Variants in NOL9 observed in about 807,000 individuals in gnomAD.
NOL9 encodes nucleolar protein 9.
A neutral mutation model predicts 67.9 loss-of-function variants in NOL9; 28 were observed. That is an observed-to-expected ratio of 0.41 (90% confidence interval 0.31 to 0.57). The LOEUF is 0.57. NOL9 is among the 20% of genes least tolerant of loss of function. NOL9 has a pLI of 0.25. For missense variants in NOL9, 777 were observed against 897.0 expected, an observed-to-expected ratio of 0.87 and a Z score of 1.71; for synonymous variants, 356 against 352.2, an observed-to-expected ratio of 1.01 and a Z score of -0.12.
At chr1:6,535,106 G>A (rs74550166) in intron 6 of NOL9, among the ~76,000 whole-genome samples, 4 of 152,072 alleles carry the variant, frequency 2.6e-5, no homozygotes, top group African/African-American at 9.7e-5. Flanking sequence ...CACCGTGCCT[G>A]GTTTTAATGA....
In NOL9 at chr1:6,554,488, T is replaced by C. The variant is rs779349222; in HGVS notation, c.15A>G (p.Gly5=). Residue 5 remains glycine (G), a synonymous_variant, in exon 1 of 12, where the codon GGA becomes GGG. Coordinates refer to ENST00000377705, the MANE Select transcript of NOL9 (RefSeq NM_024654.5). ...GGCAGGAACCCCGCTTTAGCAGCAGTCCCGAGTCCGCCATGCTGGGTCCTC... is the reference window on the plus strand; with the variant it reads ...GGCAGGAACCCCGCTTTAGCAGCAGCCCCGAGTCCGCCATGCTGGGTCCTC... MADS[G]LLLKRGSCRS... 31 of 1,541,952 alleles carry C rather than the reference T, an allele frequency of 2.0e-5. No homozygotes were observed. In the Admixed American group the frequency reaches 5.8e-4, roughly 29 times the overall value.
intron 6 of NOL9, among the ~76,000 whole-genome samples, chr1:6,538,928 C>T (rs560768656): frequency 9.2e-5 from 14 of 152,280 alleles, no homozygotes; most frequent in African/African-American, 3.1e-4. Flanking sequence ...GCTGAGATCA[C>T]GCCACTGCAC....
intron 10 of NOL9, among the ~76,000 whole-genome samples, chr1:6,527,933 A>G (rs1333651619): frequency 6.6e-6 from 1 of 150,590 alleles, no homozygotes; most frequent in Non-Finnish European, 1.5e-5. Context: ...TCCGTCTCGG[A>G]AAAAAAAACA....
At chr1:6,552,415 C>T (rs1420535093) in intron 1 of NOL9, among the ~76,000 whole-genome samples, 2 of 152,080 alleles carry the variant, frequency 1.3e-5, no homozygotes, top group Non-Finnish European at 2.9e-5. Flanking sequence ...GATCTCATCC[C>T]TTTTTATGGC....
At chr1:6,536,155 G>A (rs1477106251) in intron 6 of NOL9, among the ~76,000 whole-genome samples, 3 of 149,016 alleles carry the variant, frequency 2.0e-5, no homozygotes, top group African/African-American at 7.4e-5. Flanking sequence ...GACCATCCTG[G>A]CTAAAGTGGT....
intron 3 of NOL9, 119 bp from the exon 4 acceptor site, chr1:6,545,299 C>G (rs1639395453): frequency 1.0e-6 from 1 of 1,004,634 alleles, no homozygotes. Flanking sequence ...CTCCCTTTGT[C>G]TCCTGCCCCA....
intron 1 of NOL9, among the ~76,000 whole-genome samples, chr1:6,553,740 G>A (rs993898899): frequency 2.6e-5 from 4 of 152,148 alleles, no homozygotes; most frequent in African/African-American, 9.7e-5. Flanking sequence ...TACTCCGGAG[G>A]CTGAGGCAGG....
Position 6,550,327 on chromosome 1 carries a change from G to A in NOL9, c.616+69C>T, listed in dbSNP as rs1639518277. 1.1e-5 allele frequency: 15 copies of A among 1,404,366 alleles called. No individual in the cohort carries two copies. In the South Asian group the frequency reaches 1.6e-4, roughly 15 times the overall value. 87.0% of individuals were successfully genotyped at this position (1,404,366 alleles called of 1,614,324 possible). On this transcript the variant is annotated intron_variant, in intron 2 of 11. Coordinates refer to ENST00000377705, the MANE Select transcript of NOL9 (RefSeq NM_024654.5). ...ATTATAGGCGTGAGCCACCGCGCCT[G>A]GCCCTAAAAATTATGAATTAGCCTT...
At chr1:6,535,961 C>T (rs1427397535) in intron 6 of NOL9, among the ~76,000 whole-genome samples, 3 of 149,738 alleles carry the variant, frequency 2.0e-5, no homozygotes, top group Non-Finnish European at 1.5e-5. Context: ...GTATCACATT[C>T]TCTGACTTCA....
Position 6,554,410 on chromosome 1 carries a change from G to T in NOL9, c.93C>A (p.Arg31=). 2 of 1,512,558 alleles carry T rather than the reference G, an allele frequency of 1.3e-6. No homozygotes were observed. Among genetic ancestry groups the T allele is most frequent in the Non-Finnish European group, 1.7e-6 (2 of 1,144,924 alleles). The allele number at this position is 1,512,558 out of a possible 1,614,324, so 93.7% of individuals were successfully genotyped here. A position where few individuals can be genotyped will look rare whatever the true frequency, so the allele number is the denominator to read the frequency against. Residue 31 remains arginine (R), a synonymous_variant, in exon 1 of 12, where the codon CGC becomes CGA. Transcript: ENST00000377705. Reference sequence around the variant, plus strand: ...GGCTCCCGAGCCGGCGGCGGGGCCGGCGGCTGAGGATGAGCTGGGGCCGGG... The same window carrying T: ...GGCTCCCGAGCCGGCGGCGGGGCCGTCGGCTGAGGATGAGCTGGGGCCGGG... ...RKARPQLILS[R]RPRRRLGSLR...
Position 6,554,138 on chromosome 1 carries a change from C to A in NOL9, c.365G>T (p.Gly122Val). 2.6e-6 allele frequency: 4 copies of A among 1,530,884 alleles called. No individual in the cohort carries two copies. The highest frequency in any genetic ancestry group is 3.5e-6 in the Non-Finnish European group (4 of 1,138,486). 94.8% of individuals were successfully genotyped at this position (1,530,884 alleles called of 1,614,324 possible). A position where few individuals can be genotyped will look rare whatever the true frequency, so the allele number is the denominator to read the frequency against. Residue 122 changes from glycine to valine, a missense_variant, in exon 1 of 12, where the codon GGC becomes GTC. This residue lies in a region of NOL9 where 364 missense variants were observed against 344.4 expected (regional missense o/e 1.06). Coordinates refer to ENST00000377705, the MANE Select transcript of NOL9 (RefSeq NM_024654.5). The stretch of plus-strand genomic sequence containing the variant: ...GACCGGCAGCAGCAGCAACGCGCGG[C>A]CGGGGCCCACGGGCCGCACCGGTGG... Reference protein sequence around the residue: ...LIPPVRPVGPGRALLLLPVEQ... With the variant: ...LIPPVRPVGPVRALLLLPVEQ...
rs61780735 is a variant in NOL9, at chr1:6,530,890, G to A, written c.1647+1078C>T. 1.3e-4 allele frequency among the ~76,000 whole-genome samples: 20 copies of A among 152,342 alleles called. No homozygotes were observed. In the East Asian group the frequency reaches 1.7e-3, roughly 13 times the overall value. On this transcript the variant is annotated intron_variant, in intron 9 of 11. Coordinates refer to ENST00000377705, the MANE Select transcript of NOL9 (RefSeq NM_024654.5). ...CACAGACCTGGGCTCAGAGTCGGGC[G>A]TCCTGCGGCTTCAGTCCTAGCCTCA...
chr1:6,533,526 G>C (rs1228196513), intron 6 of NOL9, 85 bp from the exon 7 acceptor site: 1 of 1,022,614 alleles, frequency 9.8e-7, no homozygotes, highest in African/African-American at 1.7e-5. Context: ...TTTTGTTTCA[G>C]CCGTTATCAC....
rs367791650 is a variant in NOL9, at chr1:6,554,492, G to A, written c.11C>T (p.Ser4Leu). MAD[S>L]GLLLKRGSCR... ...GGAACCCCGCTTTAGCAGCAGTCCC[G>A]AGTCCGCCATGCTGGGTCCTCAGGG... Residue 4 changes from serine to leucine, a missense_variant, in exon 1 of 12, where the codon TCG becomes TTG. By Grantham distance (145) the Ser-to-Leu change is moderately radical. This residue lies in a region of NOL9 where 364 missense variants were observed against 344.4 expected (regional missense o/e 1.06). Transcript: ENST00000377705. The A allele has an allele frequency of 1.2e-5, 19 of 1,541,434 alleles. No homozygotes were observed. The African/African-American group carries it at 1.8e-4, about 15-fold the overall frequency.
rs115715678 is a variant in NOL9 at position 6,539,274 on chromosome 1, T to C, written c.1075+2556A>G. On this transcript the variant is annotated intron_variant, in intron 6 of 11. Transcript: ENST00000377705. ...CAAAACATTAAACACAGAACTACCA[T>C]AAGACCCAGCAATTCCACTCCTCGG... 9.5e-3 allele frequency among the ~76,000 whole-genome samples: 1,451 copies of C among 152,250 alleles called. 20 individuals are homozygous for C. Among genetic ancestry groups the C allele is most frequent in the African/African-American group, 0.032 (1,334 of 41,542 alleles).
At position 6,528,098 on chromosome 1, in the gene NOL9, A is replaced by G. The variant is rs763861489; in HGVS notation, c.1825+896T>C. On this transcript the variant is annotated intron_variant, in intron 10 of 11. Coordinates refer to ENST00000377705, the MANE Select transcript of NOL9 (RefSeq NM_024654.5). ...AGTGTTGTCCAAATCTGAAATGTGCATTTGAGGACTTTGCTAATTTGGGAC... is the reference window on the plus strand; with the variant it reads ...AGTGTTGTCCAAATCTGAAATGTGCGTTTGAGGACTTTGCTAATTTGGGAC... Among the ~76,000 whole-genome samples, 11 of 152,224 alleles carry G rather than the reference A, an allele frequency of 7.2e-5. 1 individual carries two copies. The highest frequency in any genetic ancestry group is 1.4e-4 in the African/African-American group (6 of 41,450).
chr1:6,529,243 T>A, intron 9 of NOL9, 72 bp from the exon 10 acceptor site: 1 of 1,360,094 alleles, frequency 7.4e-7, no homozygotes, highest in Non-Finnish European at 1.0e-6. Context: ...ACAACTAGAT[T>A]AACCAGCTAT....
chr1:6,527,000 CTCTGGGAGG>C (rs1638900303), intron 10 of NOL9, among the ~76,000 whole-genome samples, 171 bp from the exon 11 acceptor site: 1 of 152,216 alleles, frequency 6.6e-6, no homozygotes, highest in African/African-American at 2.4e-5. Context: ...AATCCCAGCA[CTCTGGGAGG>C]CCGAGGCGGG....
At chr1:6,526,040 C>G (rs751817135) in intron 11 of NOL9, 37 bp from the exon 12 acceptor site, 2 of 1,598,432 alleles carry the variant, frequency 1.3e-6, no homozygotes, top group Admixed American at 3.3e-5. Context: ...GGAAACACTC[C>G]AGGTCCAGCC....
Sources: gnomAD v4.1 joint callset for allele counts (sites outside exome capture counted in the v4.1 genomes callset) on GRCh38, gnomAD v4.1.1 for gene constraint, gnomAD v4.1.1 regional missense constraint, MANE v1.5 for transcripts, NCBI Gene and HGNC (gene_info 2026-07-23, HGNC 2026-07-21) for gene names.